The following DPP6 variants were observed in gnomAD, a reference collection of about 807,000 sequenced individuals.
The protein encoded by DPP6 is dipeptidyl peptidase like 6.
In DPP6, 69 loss-of-function variants were observed where a neutral mutation model predicts 122.6. The ratio of observed to expected loss-of-function variants is 0.56; its 90% CI spans 0.46 to 0.69. The LOEUF is 0.69. Ranked by LOEUF, DPP6 falls within the 30% of genes least tolerant of loss-of-function variation. The probability of loss-of-function intolerance (pLI) is 0.00; values close to 1 mark genes in which losing one functional copy is unlikely to be tolerated. For missense variants in DPP6, 928 were observed against 1,116.9 expected, an observed-to-expected ratio of 0.83 and a Z score of 2.41; for synonymous variants, 418 against 433.1, an observed-to-expected ratio of 0.97 and a Z score of 0.43.
intron 1 of DPP6, among the ~76,000 whole-genome samples, chr7:154,190,564 A>T (rs926042816): frequency 6.6e-6 from 1 of 152,184 alleles, no homozygotes; most frequent in Non-Finnish European, 1.5e-5. Context: ...TTTTCTGCAA[A>T]TATGTTCAGG....
At chr7:154,680,137 G>A (rs768203285) in intron 7 of DPP6, among the ~76,000 whole-genome samples, 2 of 152,158 alleles carry the variant, frequency 1.3e-5, no homozygotes, top group Non-Finnish European at 2.9e-5. Context: ...GAAAGGAAAT[G>A]CGTAATCATA....
chr7:154,720,666 G>A (rs537887112), intron 7 of DPP6, among the ~76,000 whole-genome samples: 1 of 152,344 alleles, frequency 6.6e-6, no homozygotes, highest in African/African-American at 2.4e-5. Flanking sequence ...TCCCACTGCA[G>A]GGCCCCAGTG....
chr7:153,976,497 C>T (rs1314264531), intron 1 of DPP6, among the ~76,000 whole-genome samples: 3 of 152,132 alleles, frequency 2.0e-5, no homozygotes, highest in Non-Finnish European at 4.4e-5. Flanking sequence ...GAAGATATTT[C>T]GCTAAAACTG....
At chr7:154,689,293 T>C (rs1487273670) in intron 7 of DPP6, among the ~76,000 whole-genome samples, 2 of 152,230 alleles carry the variant, frequency 1.3e-5, no homozygotes, top group Admixed American at 6.5e-5. Flanking sequence ...ACGATTTATT[T>C]GGGAATGACC....
At chr7:153,874,271 C>CACAT in the DPP6 span, among the ~76,000 whole-genome samples, 7 of 152,162 alleles carry the variant, frequency 4.6e-5, no homozygotes, top group East Asian at 1.2e-3. Flanking sequence ...CACACACACA[C>CACAT]ACACACACAG....
chr7:153,803,955 T>C, the DPP6 span, among the ~76,000 whole-genome samples: 2 of 151,892 alleles, frequency 1.3e-5, no homozygotes, highest in Non-Finnish European at 2.9e-5. Context: ...CTGTACTCCT[T>C]ACTCCCCAAG....
intron 7 of DPP6, among the ~76,000 whole-genome samples, chr7:154,702,067 C>T (rs1403962604): frequency 6.6e-6 from 1 of 152,186 alleles, no homozygotes; most frequent in Admixed American, 6.5e-5. Context: ...TTTTTCATTA[C>T]CATTATATCT....
At chr7:154,804,076 G>A in intron 14 of DPP6, 121 bp downstream of exon 14, 1 of 1,211,938 alleles carries the variant, frequency 8.3e-7, no homozygotes, top group Non-Finnish European at 1.2e-6. Flanking sequence ...TCCTCAGGCA[G>A]CATCACTGAC....
At chr7:154,451,450 A>G (rs1363103732) in intron 2 of DPP6, among the ~76,000 whole-genome samples, 2 of 151,666 alleles carry the variant, frequency 1.3e-5, no homozygotes, top group Non-Finnish European at 2.9e-5. Context: ...GTTGAGAACC[A>G]GGTCCTGGGA....
intron 2 of DPP6, among the ~76,000 whole-genome samples, chr7:154,465,810 G>A (rs1821731601): frequency 6.6e-6 from 1 of 152,152 alleles, no homozygotes; most frequent in Non-Finnish European, 1.5e-5. Context: ...GATTCCTCAA[G>A]GATCTAGAAC....
chr7:154,615,090 A>G (rs1834153454), intron 5 of DPP6, among the ~76,000 whole-genome samples: 1 of 152,166 alleles, frequency 6.6e-6, no homozygotes, highest in Non-Finnish European at 1.5e-5. Context: ...TTTCCTGTAC[A>G]GGAGAGTTTT....
At chr7:153,958,294 G>C (rs1364428624) in intron 1 of DPP6, among the ~76,000 whole-genome samples, 1 of 152,160 alleles carries the variant, frequency 6.6e-6, no homozygotes, top group African/African-American at 2.4e-5. Flanking sequence ...CTTGTAAGTG[G>C]GCTTTGTCAT....
intron 5 of DPP6, among the ~76,000 whole-genome samples, chr7:154,567,239 A>C (rs1830817974): frequency 6.6e-6 from 1 of 152,222 alleles, no homozygotes. Flanking sequence ...TCAGTGAAAT[A>C]ATAGATTTTA....
At chr7:154,447,189 C>T (rs566064416) in intron 2 of DPP6, among the ~76,000 whole-genome samples, 1 of 152,200 alleles carries the variant, frequency 6.6e-6, no homozygotes, top group East Asian at 1.9e-4. Flanking sequence ...GCCTGTAATC[C>T]CAGCTACTCA....
chr7:154,286,988 A>G (rs1804897896), intron 1 of DPP6, among the ~76,000 whole-genome samples: 1 of 152,066 alleles, frequency 6.6e-6, no homozygotes, highest in Non-Finnish European at 1.5e-5. Context: ...TGTTTAGTAG[A>G]GACAGGGGTT....
chr7:154,001,996 T>A, intron 1 of DPP6, among the ~76,000 whole-genome samples: 1 of 152,176 alleles, frequency 6.6e-6, no homozygotes, highest in African/African-American at 2.4e-5. Context: ...TTTTTGGTAC[T>A]TACCATTTAC....
intron 1 of DPP6, among the ~76,000 whole-genome samples, chr7:154,281,438 A>G (rs1039175323): frequency 2.6e-5 from 4 of 152,158 alleles, no homozygotes; most frequent in African/African-American, 9.7e-5. Context: ...TGTCTTCAGA[A>G]TCATTGATAA....
rs1353938609 is a variant in DPP6 at position 154,618,110 on chromosome 7, C to CT, written c.628-19708dup. 1.3e-5 allele frequency among the ~76,000 whole-genome samples: 2 copies of CT among 152,186 alleles called. No individual in the cohort carries two copies. Among genetic ancestry groups the CT allele is most frequent in the African/African-American group, 4.8e-5 (2 of 41,442 alleles). ...CACTGTTGCTGGTTGCATTCTCGCTCTTTCCCCCATAAGGCTATTAAAGTT... is the reference window on the plus strand; with the variant it reads ...CACTGTTGCTGGTTGCATTCTCGCTCTTTTCCCCCATAAGGCTATTAAAGTT... On this transcript the variant is annotated intron_variant, in intron 5 of 25. Coordinates refer to ENST00000377770, the MANE Select transcript of DPP6 (RefSeq NM_130797.4). The surrounding 1 kb of genome is among the most constrained non-coding windows in gnomAD (Gnocchi z 4.1).
intron 1 of DPP6, among the ~76,000 whole-genome samples, chr7:154,385,628 C>T (rs1814037916): frequency 6.6e-6 from 1 of 152,180 alleles, no homozygotes; most frequent in Non-Finnish European, 1.5e-5. Flanking sequence ...GCAACCCTGG[C>T]TGGCACAGGC....
Sources: gnomAD v4.1 joint callset for allele counts (sites outside exome capture counted in the v4.1 genomes callset) on GRCh38, gnomAD v4.1.1 for gene constraint, Gnocchi (gnomAD v3.1) non-coding constraint, MANE v1.5 for transcripts, NCBI Gene and HGNC (gene_info 2026-07-23, HGNC 2026-07-21) for gene names.